PBX1: variants seen among roughly 807,000 people sequenced by gnomAD.
PBX1 encodes the protein PBX homeobox 1.
Under a neutral mutation model 53.4 loss-of-function variants are expected in PBX1, and 6 were observed. That is an observed-to-expected ratio of 0.11 (90% confidence interval 0.06 to 0.22). PBX1 has a LOEUF of 0.22. Among genes scored for constraint, PBX1 ranks in the 10% least tolerant of loss-of-function variants. The probability of loss-of-function intolerance (pLI) is 1.00; values close to 1 mark genes in which losing one functional copy is unlikely to be tolerated. For synonymous variants in PBX1, 204 were observed against 212.3 expected (o/e 0.96, Z 0.34); for missense variants, 251 against 551.4 (o/e 0.46, Z 5.46).
chr1:164,742,237 G>GTA (rs1665650944), intron 2 of PBX1, among the ~76,000 whole-genome samples: 1 of 152,096 alleles, frequency 6.6e-6, no homozygotes, highest in African/African-American at 2.4e-5. Flanking sequence ...GGCCCATCAT[G>GTA]TATTCAATAT....
chr1:164,665,360 C>A (rs1445874475), intron 2 of PBX1, among the ~76,000 whole-genome samples: 1 of 152,172 alleles, frequency 6.6e-6, no homozygotes, highest in Non-Finnish European at 1.5e-5. Flanking sequence ...TCTCAGCTCA[C>A]TGTAACCTCT....
At chr1:164,753,895 A>T (rs1299697593) in intron 2 of PBX1, among the ~76,000 whole-genome samples, 1 of 152,170 alleles carries the variant, frequency 6.6e-6, no homozygotes, top group African/African-American at 2.4e-5. Context: ...CAGTTGCCTC[A>T]CCTCTGAAGG....
intron 2 of PBX1, among the ~76,000 whole-genome samples, chr1:164,872,212 G>A (rs977802773): frequency 5.3e-5 from 8 of 152,188 alleles, no homozygotes; most frequent in Non-Finnish European, 1.2e-4. Flanking sequence ...TTCTTCACAG[G>A]CAATCCTGCA....
At chr1:164,703,026 A>G (rs1328028631) in intron 2 of PBX1, 1 of 151,926 alleles carries the variant, frequency 6.6e-6, no homozygotes, top group Non-Finnish European at 1.5e-5. Context: ...AAAAAAAGAG[A>G]GAGACAAGGT....
chr1:164,676,279 C>T (rs1396776065), intron 2 of PBX1, among the ~76,000 whole-genome samples: 2 of 152,028 alleles, frequency 1.3e-5, no homozygotes, highest in African/African-American at 4.8e-5. Flanking sequence ...CTTTCCTGAA[C>T]AAGCAGACAC....
intron 2 of PBX1, among the ~76,000 whole-genome samples, chr1:164,744,567 A>G (rs1416298710): frequency 6.6e-6 from 1 of 152,144 alleles, no homozygotes; most frequent in Non-Finnish European, 1.5e-5. Context: ...GGTCTCATCT[A>G]TGGGAGAACA....
At chr1:164,873,902 G>A (rs1672440827) in intron 2 of PBX1, among the ~76,000 whole-genome samples, 1 of 151,378 alleles carries the variant, frequency 6.6e-6, no homozygotes, top group African/African-American at 2.4e-5. Flanking sequence ...AAAATTACAG[G>A]AGTAAATACA....
intron 2 of PBX1, among the ~76,000 whole-genome samples, chr1:164,757,410 C>T (rs1045618026): frequency 2.0e-5 from 3 of 152,192 alleles, no homozygotes; most frequent in Non-Finnish European, 4.4e-5. Flanking sequence ...ATCTATTCAA[C>T]TCACTGACGA....
chr1:164,576,179 T>C (rs546302432), intron 2 of PBX1, among the ~76,000 whole-genome samples: 4 of 152,366 alleles, frequency 2.6e-5, no homozygotes, highest in African/African-American at 9.6e-5. Context: ...GGCCTTGTGC[T>C]AAGACGAGAT....
chr1:164,570,392 T>C (rs1171743345), intron 2 of PBX1, among the ~76,000 whole-genome samples: 1 of 152,122 alleles, frequency 6.6e-6, no homozygotes, highest in African/African-American at 2.4e-5. Context: ...CAGTGTGTGA[T>C]GTTCCCCTCC....
At chr1:164,727,052 G>A (rs1189750625) in intron 2 of PBX1, among the ~76,000 whole-genome samples, 1 of 152,164 alleles carries the variant, frequency 6.6e-6, no homozygotes, top group East Asian at 1.9e-4. Flanking sequence ...GCAATATGGT[G>A]TTACGGTTTT....
intron 2 of PBX1, among the ~76,000 whole-genome samples, chr1:164,708,450 G>T (rs1431216344): frequency 6.6e-6 from 1 of 151,822 alleles, no homozygotes; most frequent in African/African-American, 2.4e-5. Flanking sequence ...TGTTAACATA[G>T]GCATATTATA....
intron 2 of PBX1, among the ~76,000 whole-genome samples, chr1:164,687,504 T>C (rs762237201): frequency 4.2e-5 from 6 of 143,006 alleles, no homozygotes; most frequent in Non-Finnish European, 7.5e-5. Flanking sequence ...GTCGAGGCTG[T>C]AGCAAGTCAT....
At chr1:164,744,407 C>G (rs1373669562) in intron 2 of PBX1, among the ~76,000 whole-genome samples, 3 of 152,134 alleles carry the variant, frequency 2.0e-5, no homozygotes, top group Non-Finnish European at 4.4e-5. Flanking sequence ...GTCTAATGAG[C>G]AAATAATTAT....
intron 2 of PBX1, among the ~76,000 whole-genome samples, chr1:164,718,308 C>T (rs558321020): frequency 2.6e-5 from 4 of 152,178 alleles, no homozygotes; most frequent in Non-Finnish European, 5.9e-5. Context: ...ATTCATCATA[C>T]ACAACCTCCA....
intron 2 of PBX1, among the ~76,000 whole-genome samples, chr1:164,658,979 G>T (rs1260564060): frequency 2.0e-5 from 3 of 152,170 alleles, no homozygotes; most frequent in Middle Eastern, 3.4e-3. Flanking sequence ...ATTTCCAGTC[G>T]TTGTCCATTC....
At chr1:164,745,200 T>C (rs541747359) in intron 2 of PBX1, among the ~76,000 whole-genome samples, 13 of 152,080 alleles carry the variant, frequency 8.5e-5, no homozygotes, top group Non-Finnish European at 1.3e-4. Flanking sequence ...TAGTGAAAAA[T>C]AGATGGAAAG....
intron 2 of PBX1, among the ~76,000 whole-genome samples, chr1:164,751,804 A>G (rs1666239589): frequency 6.6e-6 from 1 of 150,642 alleles, no homozygotes; most frequent in African/African-American, 2.4e-5. Flanking sequence ...CTGATCTCAG[A>G]CTCCTCACCT....
At chr1:164,788,551 C>G (rs1324123538) in intron 2 of PBX1, among the ~76,000 whole-genome samples, 1 of 152,160 alleles carries the variant, frequency 6.6e-6, no homozygotes, top group East Asian at 1.9e-4. Context: ...ATTACAGACA[C>G]AGCCCAAATC....
Sources: gnomAD v4.1 joint callset for allele counts (sites outside exome capture counted in the v4.1 genomes callset) on GRCh38, gnomAD v4.1.1 for gene constraint, MANE v1.5 for transcripts, NCBI Gene and HGNC (gene_info 2026-07-23, HGNC 2026-07-21) for gene names.